CLIP1: variants seen among roughly 807,000 people sequenced by gnomAD.
CLIP1 encodes CAP-Gly domain containing linker protein 1, also known as CAP-Gly domain-containing linker protein 1.
CLIP1 carries 66 observed loss-of-function variants against 161.6 expected under a neutral mutation model. The ratio of observed to expected loss-of-function variants is 0.41; its 90% CI spans 0.33 to 0.50. The LOEUF is 0.50. Ranked by LOEUF, CLIP1 falls within the 20% of genes least tolerant of loss-of-function variation. The pLI is 0.27. For missense variants in CLIP1, 1,376 were observed against 1,702.0 expected, an observed-to-expected ratio of 0.81 and a Z score of 3.37; for synonymous variants, 598 against 626.2, an observed-to-expected ratio of 0.96 and a Z score of 0.67.
intron 21 of CLIP1, among the ~76,000 whole-genome samples, chr12:122,285,072 T>TCAG (rs1254897057): frequency 6.6e-6 from 1 of 152,214 alleles, no homozygotes; most frequent in Non-Finnish European, 1.5e-5. Context: ...CACCTCAGCC[T>TCAG]CCTGAGTAGC....
At chr12:122,287,382 G>A (rs1302086080) in intron 21 of CLIP1, among the ~76,000 whole-genome samples, 4 of 152,126 alleles carry the variant, frequency 2.6e-5, no homozygotes, top group Non-Finnish European at 4.4e-5. Context: ...CTGCCCTGAC[G>A]AGTGGGAATA....
intron 21 of CLIP1, among the ~76,000 whole-genome samples, chr12:122,284,183 C>T (rs1002047078): frequency 4.6e-5 from 7 of 152,084 alleles, no homozygotes; most frequent in African/African-American, 1.7e-4. Context: ...CACTTCTACA[C>T]ATGAGAAACT....
chr12:122,377,216 G>A (rs1954781322), intron 3 of CLIP1, among the ~76,000 whole-genome samples, 173 bp downstream of exon 3: 1 of 151,784 alleles, frequency 6.6e-6, no homozygotes, highest in South Asian at 2.1e-4. Flanking sequence ...CACCATCTTG[G>A]CCAGGCTGGT....
chr12:122,297,586 C>A (rs984714074), intron 20 of CLIP1, among the ~76,000 whole-genome samples: 1 of 152,158 alleles, frequency 6.6e-6, no homozygotes, highest in Admixed American at 6.6e-5. Context: ...CTTCTCGAAC[C>A]AAGCAAGTGT....
At chr12:122,367,476 T>G (rs1311215685) in intron 3 of CLIP1, among the ~76,000 whole-genome samples, 1 of 152,172 alleles carries the variant, frequency 6.6e-6, no homozygotes, top group Non-Finnish European at 1.5e-5. Flanking sequence ...CATCAAATGT[T>G]TTTCTACTTA....
intron 1 of CLIP1, among the ~76,000 whole-genome samples, chr12:122,420,009 G>C (rs1187106346): frequency 3.3e-5 from 5 of 150,396 alleles, no homozygotes; most frequent in Admixed American, 6.7e-5. Context: ...ATGTGACAGA[G>C]TGAATTTTAG....
intron 20 of CLIP1, among the ~76,000 whole-genome samples, chr12:122,289,096 G>A (rs577466334): frequency 6.6e-6 from 1 of 150,770 alleles, no homozygotes; most frequent in African/African-American, 2.4e-5. Context: ...GATTACAGGC[G>A]TGAGCCACCG....
chr12:122,383,143 C>T (rs1407199255), intron 1 of CLIP1, among the ~76,000 whole-genome samples: 1 of 152,226 alleles, frequency 6.6e-6, no homozygotes, highest in Non-Finnish European at 1.5e-5. Context: ...GCCTTCCCTA[C>T]TCTTCACCCT....
At chr12:122,408,460 T>A (rs1240557078) in intron 1 of CLIP1, among the ~76,000 whole-genome samples, 1 of 151,958 alleles carries the variant, frequency 6.6e-6, no homozygotes, top group Admixed American at 6.6e-5. Flanking sequence ...GCCATTCTTC[T>A]GCCTCAGCCT....
intron 17 of CLIP1, among the ~76,000 whole-genome samples, chr12:122,319,933 C>T (rs924467675): frequency 3.9e-5 from 6 of 152,118 alleles, no homozygotes; most frequent in Non-Finnish European, 7.4e-5. Flanking sequence ...TAAAAAGATG[C>T]ATATGGAGAC....
At chr12:122,377,987 C>A in intron 2 of CLIP1, 27 bp from the exon 3 acceptor site, 1 of 1,550,366 alleles carries the variant, frequency 6.5e-7, no homozygotes, top group South Asian at 1.3e-5. Context: ...ATAAGAGATT[C>A]GATTTAATTT....
At chr12:122,286,520 TAAAAAA>T (rs57260606) in intron 21 of CLIP1, among the ~76,000 whole-genome samples, 3 of 28,256 alleles carry the variant, frequency 1.1e-4, no homozygotes, top group African/African-American at 3.3e-4. Context: ...GACTCTGTCT[TAAAAAA>T]AAAAAAAAAA....
chr12:122,364,509 C>G (rs904792771), intron 3 of CLIP1, among the ~76,000 whole-genome samples: 1 of 151,318 alleles, frequency 6.6e-6, no homozygotes, highest in African/African-American at 2.4e-5. Flanking sequence ...GCTAGGGGAT[C>G]TTCCCACCTC....
At chr12:122,402,807 C>T (rs1325699690) in intron 1 of CLIP1, among the ~76,000 whole-genome samples, 2 of 152,144 alleles carry the variant, frequency 1.3e-5, no homozygotes, top group Non-Finnish European at 2.9e-5. Flanking sequence ...TCTCAAAAAA[C>T]AAATATCACC....
At chr12:122,407,100 T>C (rs555123361) in intron 1 of CLIP1, among the ~76,000 whole-genome samples, 7 of 152,186 alleles carry the variant, frequency 4.6e-5, no homozygotes, top group African/African-American at 1.7e-4. Context: ...CTCTCTAGTA[T>C]CTCCCAGAAG....
chr12:122,374,547 A>G (rs557898396), intron 3 of CLIP1, among the ~76,000 whole-genome samples: 122 of 152,140 alleles, frequency 8.0e-4, no homozygotes, highest in African/African-American at 2.9e-3. Flanking sequence ...GTGGATCACG[A>G]GGTCAGGGGT....
intron 17 of CLIP1, 117 bp downstream of exon 17, chr12:122,327,830 C>T (rs564000249): frequency 1.0e-4 from 85 of 845,000 alleles, no homozygotes; most frequent in African/African-American, 7.1e-4. Flanking sequence ...AGAAGGGTAA[C>T]GTCTGTAGAG....
intron 1 of CLIP1, among the ~76,000 whole-genome samples, chr12:122,405,270 C>T (rs969737665): frequency 3.3e-5 from 5 of 152,108 alleles, no homozygotes; most frequent in Non-Finnish European, 5.9e-5. Flanking sequence ...ACAAGGGACG[C>T]GTTCTCGCAA....
chr12:122,337,037 T>C (rs532690535), intron 11 of CLIP1, among the ~76,000 whole-genome samples: 7 of 151,796 alleles, frequency 4.6e-5, no homozygotes, highest in Non-Finnish European at 7.4e-5. Flanking sequence ...GGTGTGATCA[T>C]GGCTCACTGC....
Sources: gnomAD v4.1 joint callset for allele counts (sites outside exome capture counted in the v4.1 genomes callset) on GRCh38, gnomAD v4.1.1 for gene constraint, MANE v1.5 for transcripts, NCBI Gene and HGNC (gene_info 2026-07-23, HGNC 2026-07-21) for gene names.